The following ROBO2 variants were observed in gnomAD, a reference collection of about 807,000 sequenced individuals.
The protein encoded by ROBO2 is roundabout homolog 2.
Under a neutral mutation model 160.8 loss-of-function variants are expected in ROBO2, and 53 were observed. That is an observed-to-expected ratio of 0.33 (90% CI 0.26 to 0.41). ROBO2 has a LOEUF of 0.41. Among genes scored for constraint, ROBO2 ranks in the 10% least tolerant of loss-of-function variants. The probability of loss-of-function intolerance (pLI) is 1.00; values close to 1 mark genes in which losing one functional copy is unlikely to be tolerated. For synonymous variants in ROBO2, 664 were observed against 611.7 expected (o/e 1.09, Z -1.26); for missense variants, 1,577 against 1,722.4 (o/e 0.92, Z 1.49).
At chr3:77,293,343 A>G (rs2061558640) in intron 2 of ROBO2, among the ~76,000 whole-genome samples, 1 of 151,530 alleles carries the variant, frequency 6.6e-6, no homozygotes, top group African/African-American at 2.4e-5. Flanking sequence ...CAGTAAAGAC[A>G]TAAAGTAAAA....
chr3:76,682,989 G>A (rs536952381), intron 2 of ROBO2, among the ~76,000 whole-genome samples: 1 of 152,166 alleles, frequency 6.6e-6, no homozygotes, highest in African/African-American at 2.4e-5. Flanking sequence ...TACTTGATGA[G>A]ATTAGCCAGA....
At chr3:76,457,688 G>A (rs1038540848) in intron 2 of ROBO2, among the ~76,000 whole-genome samples, 8 of 152,206 alleles carry the variant, frequency 5.3e-5, no homozygotes, top group Non-Finnish European at 1.2e-4. Flanking sequence ...TGAGGGCCCT[G>A]CCCGTGCAGA....
chr3:76,234,556 A>AT (rs1318338548), intron 2 of ROBO2, among the ~76,000 whole-genome samples: 1 of 152,090 alleles, frequency 6.6e-6, no homozygotes, highest in African/African-American at 2.4e-5. Context: ...TTATTCCTCG[A>AT]TTTTTTAGTA....
intron 2 of ROBO2, among the ~76,000 whole-genome samples, chr3:77,277,392 C>T (rs2059957072): frequency 6.6e-6 from 1 of 151,886 alleles, no homozygotes; most frequent in African/African-American, 2.4e-5. Flanking sequence ...CACAGATCCA[C>T]CCATCACCTA....
intron 2 of ROBO2, among the ~76,000 whole-genome samples, chr3:76,712,605 G>T (rs2093316113): frequency 6.6e-6 from 1 of 151,982 alleles, no homozygotes; most frequent in African/African-American, 2.4e-5. Flanking sequence ...AACCTGGGAG[G>T]CAGAGGTTGC....
At chr3:76,880,277 G>A (rs186314008) in intron 2 of ROBO2, among the ~76,000 whole-genome samples, 1 of 152,142 alleles carries the variant, frequency 6.6e-6, no homozygotes, top group East Asian at 1.9e-4. Context: ...AATGAACAGT[G>A]GGACCTAATT....
At chr3:77,219,985 A>G (rs2085562994) in intron 2 of ROBO2, among the ~76,000 whole-genome samples, 1 of 151,770 alleles carries the variant, frequency 6.6e-6, no homozygotes, top group Non-Finnish European at 1.5e-5. Context: ...GGCTTCAGAA[A>G]ACATACTAAT....
intron 2 of ROBO2, among the ~76,000 whole-genome samples, chr3:77,433,447 C>A (rs1396712269): frequency 2.1e-5 from 3 of 139,794 alleles, no homozygotes; most frequent in Non-Finnish European, 4.6e-5. Context: ...GTGCTAGATG[C>A]CCTGCACGCT....
intron 9 of ROBO2, among the ~76,000 whole-genome samples, chr3:77,558,365 A>C (rs1012559924): frequency 1.3e-5 from 2 of 152,098 alleles, no homozygotes; most frequent in African/African-American, 4.8e-5. Context: ...GAATCTCGAA[A>C]CTTTTATTCC....
At chr3:77,446,848 G>A (rs536424575) in intron 2 of ROBO2, among the ~76,000 whole-genome samples, 1 of 152,152 alleles carries the variant, frequency 6.6e-6, no homozygotes, top group Admixed American at 6.5e-5. Context: ...CATGGGAAAA[G>A]CTATTTCTCT....
intron 6 of ROBO2, among the ~76,000 whole-genome samples, chr3:77,527,654 G>A (rs1391200031): frequency 6.6e-6 from 1 of 151,478 alleles, no homozygotes; most frequent in Non-Finnish European, 1.5e-5. Flanking sequence ...ATAAATGAAT[G>A]ATAAATGTTT....
chr3:77,550,015 AC>A (rs35662636), intron 7 of ROBO2, among the ~76,000 whole-genome samples: 84,854 of 151,688 alleles, frequency 0.56, 23,798 homozygotes, highest in Middle Eastern at 0.68. Flanking sequence ...TAATTGAACA[AC>A]AGTAAAGCAA....
chr3:77,167,322 G>A (rs1442492159), intron 2 of ROBO2, among the ~76,000 whole-genome samples: 8 of 152,108 alleles, frequency 5.3e-5, no homozygotes, highest in African/African-American at 1.9e-4. Flanking sequence ...CTTATGAATG[G>A]TTACCAAAGA....
At chr3:75,938,305 G>A (rs1947889881) in intron 2 of ROBO2, among the ~76,000 whole-genome samples, 1 of 151,946 alleles carries the variant, frequency 6.6e-6, no homozygotes, top group Admixed American at 6.6e-5. Flanking sequence ...AGTGTATTTT[G>A]TGATAAGTAT....
chr3:77,101,524 G>T (rs1030881574), intron 2 of ROBO2, among the ~76,000 whole-genome samples: 7 of 152,126 alleles, frequency 4.6e-5, no homozygotes, highest in Admixed American at 4.6e-4. Flanking sequence ...GATAGGTGTT[G>T]AAGCCACGGA....
intron 2 of ROBO2, among the ~76,000 whole-genome samples, chr3:76,049,556 T>C (rs1428876236): frequency 6.6e-6 from 1 of 151,402 alleles, no homozygotes; most frequent in African/African-American, 2.4e-5. Flanking sequence ...AAGCGTTCCT[T>C]TAGTGTATAT....
intron 2 of ROBO2, among the ~76,000 whole-genome samples, chr3:76,744,460 C>T (rs2093851971): frequency 1.3e-5 from 2 of 152,132 alleles, no homozygotes; most frequent in South Asian, 2.1e-4. Flanking sequence ...CCTGGGCCCC[C>T]ATGATCCTCC....
intron 2 of ROBO2, among the ~76,000 whole-genome samples, chr3:76,375,962 G>A (rs966707331): frequency 2.0e-5 from 3 of 151,864 alleles, no homozygotes; most frequent in African/African-American, 7.3e-5. Context: ...CCCTTCATAG[G>A]TACTTGGATT....
chr3:77,537,268 T>A (rs1367236812), intron 6 of ROBO2, among the ~76,000 whole-genome samples: 1 of 151,320 alleles, frequency 6.6e-6, no homozygotes, highest in South Asian at 2.1e-4. Context: ...TTTGAATAAT[T>A]GAGAGTTTTT....
Sources: allele counts gnomAD v4.1 joint callset (sites outside exome capture counted in the v4.1 genomes callset), GRCh38; gene constraint gnomAD v4.1.1; transcripts MANE v1.5; gene names NCBI Gene and HGNC (gene_info 2026-07-23, HGNC 2026-07-21).